The following VSTM4 variants were observed in gnomAD, a reference collection of about 807,000 sequenced individuals.
VSTM4 encodes the protein V-set and transmembrane domain containing 4.
A neutral mutation model predicts 36.4 loss-of-function variants in VSTM4; 20 were observed. The ratio of observed to expected loss-of-function variants is 0.55; its 90% CI spans 0.39 to 0.80. The LOEUF is 0.80. Ranked by LOEUF, VSTM4 falls within the 30% of genes least tolerant of loss-of-function variation. The pLI, the probability that VSTM4 is intolerant of heterozygous loss-of-function variation, is 0.00. For missense variants in VSTM4, 392 were observed against 404.5 expected (o/e 0.97, Z 0.26); for synonymous variants, 182 against 173.9 (o/e 1.05, Z -0.37).
intron 2 of VSTM4, among the ~76,000 whole-genome samples, chr10:49,099,809 C>A (rs1278725626): frequency 6.6e-6 from 1 of 152,190 alleles, no homozygotes; most frequent in African/African-American, 2.4e-5. Flanking sequence ...GATTCTGTCC[C>A]TTTCATTCTT....
chr10:49,019,895 G>T, intron 7 of VSTM4, 120 bp from the exon 8 acceptor site: 3 of 1,301,918 alleles, frequency 2.3e-6, no homozygotes, highest in Non-Finnish European at 3.1e-6. Flanking sequence ...GGGATAAGTG[G>T]ACAAGAAATT....
At chr10:49,101,197 A>G (rs1844659540) in intron 2 of VSTM4, among the ~76,000 whole-genome samples, 1 of 152,162 alleles carries the variant, frequency 6.6e-6, no homozygotes. Flanking sequence ...AAAAAATTCC[A>G]CTAGAAAAGA....
intron 7 of VSTM4, among the ~76,000 whole-genome samples, chr10:49,024,758 G>C (rs978212452): frequency 1.3e-5 from 2 of 152,188 alleles, no homozygotes; most frequent in Non-Finnish European, 2.9e-5. Context: ...GCACGCATAT[G>C]TGCACGTTCT....
At chr10:49,067,037 T>A (rs1843986153) in intron 4 of VSTM4, among the ~76,000 whole-genome samples, 1 of 152,208 alleles carries the variant, frequency 6.6e-6, no homozygotes, top group Non-Finnish European at 1.5e-5. Flanking sequence ...GGTACTTTTT[T>A]TCTCATGATG....
intron 2 of VSTM4, among the ~76,000 whole-genome samples, chr10:49,091,209 T>C (rs1032458811): frequency 6.6e-6 from 1 of 152,224 alleles, no homozygotes; most frequent in Non-Finnish European, 1.5e-5. Flanking sequence ...GACTGCTTTG[T>C]CATTGCCTTG....
At chr10:49,112,375 G>T (rs969558004) in intron 1 of VSTM4, among the ~76,000 whole-genome samples, 2 of 152,222 alleles carry the variant, frequency 1.3e-5, no homozygotes, top group African/African-American at 4.8e-5. Flanking sequence ...CAGAAGCAGT[G>T]GCTTGGTGGG....
intron 2 of VSTM4, among the ~76,000 whole-genome samples, chr10:49,106,888 C>T (rs954884392): frequency 2.0e-5 from 3 of 152,218 alleles, no homozygotes; most frequent in Admixed American, 6.5e-5. Flanking sequence ...CCTATGCCTA[C>T]GATGACCTCC....
chr10:49,072,956 A>T (rs1844107879), intron 4 of VSTM4, among the ~76,000 whole-genome samples: 1 of 152,224 alleles, frequency 6.6e-6, no homozygotes, highest in African/African-American at 2.4e-5. Context: ...TTTGTTACTC[A>T]GCAAGAGATA....
intron 7 of VSTM4, among the ~76,000 whole-genome samples, chr10:49,033,793 A>G (rs1843382619): frequency 6.6e-6 from 1 of 152,226 alleles, no homozygotes; most frequent in Non-Finnish European, 1.5e-5. Context: ...GAGTTGTCTC[A>G]AAGTTAAAGG....
chr10:49,098,312 T>C (rs944567714), intron 2 of VSTM4, among the ~76,000 whole-genome samples: 1 of 152,228 alleles, frequency 6.6e-6, no homozygotes, highest in African/African-American at 2.4e-5. Context: ...CACCTGCATC[T>C]GGCCTGCTCG....
intron 2 of VSTM4, among the ~76,000 whole-genome samples, chr10:49,092,442 C>T (rs1054282453): frequency 6.6e-6 from 1 of 152,180 alleles, no homozygotes; most frequent in Non-Finnish European, 1.5e-5. Flanking sequence ...GGGTTTAGAA[C>T]TCAAAACTAA....
intron 7 of VSTM4, among the ~76,000 whole-genome samples, chr10:49,035,483 C>T (rs1843413430): frequency 1.3e-5 from 2 of 152,070 alleles, no homozygotes. Flanking sequence ...CAGTAGGATT[C>T]CCTTTGTCTC....
chr10:49,040,724 T>C (rs939249509), intron 7 of VSTM4, among the ~76,000 whole-genome samples: 3 of 152,196 alleles, frequency 2.0e-5, no homozygotes, highest in Admixed American at 2.0e-4. Flanking sequence ...GGCTTGGGGA[T>C]TGCAGACATA....
At position 49,071,882 on chromosome 10, in the gene VSTM4, A is replaced by T. The variant is rs117587819; in HGVS notation, c.634+5337T>A. 9.2e-3 allele frequency among the ~76,000 whole-genome samples: 1,406 copies of T among 152,234 alleles called. 12 individuals carry two copies. The highest frequency in any genetic ancestry group is 0.014 in the Non-Finnish European group (958 of 68,016). On this transcript the variant is annotated intron_variant, in intron 4 of 7. Transcript: ENST00000332853. ...ATGAGGGAAGCCCAACAAACATACAACTGCATAGAGAGACTGGAAACCATG... is the reference window on the plus strand; with the variant it reads ...ATGAGGGAAGCCCAACAAACATACATCTGCATAGAGAGACTGGAAACCATG...
At position 49,018,910 on chromosome 10, in the gene VSTM4, G is replaced by C. The variant is rs927303167; in HGVS notation, c.*740C>G. ...CAACACCTGTGCTCCTTTGGAAAAG[G>C]GTGAGTAAGCACTTCTTAGAGAGTG... On this transcript the variant is annotated 3_prime_UTR_variant, in exon 8 of 8. Coordinates refer to ENST00000332853, the MANE Select transcript of VSTM4 (RefSeq NM_001031746.5). 2 of 152,264 alleles carry C rather than the reference G, an allele frequency of 1.3e-5. No homozygotes were observed. The highest frequency in any genetic ancestry group is 4.8e-5 in the African/African-American group (2 of 41,462). The allele number at this position is 152,264 out of a possible 1,614,324, so 9.4% of individuals were successfully genotyped here. A position where few individuals can be genotyped will look rare whatever the true frequency, so the allele number is the denominator to read the frequency against.
intron 1 of VSTM4, among the ~76,000 whole-genome samples, chr10:49,108,490 CCT>C (rs1844832607): frequency 6.6e-6 from 1 of 152,158 alleles, no homozygotes. Context: ...AGGGTAGGGC[CCT>C]CTCTCTGGTG....
chr10:49,085,203 C>T (rs1844348692), intron 3 of VSTM4, among the ~76,000 whole-genome samples: 1 of 152,248 alleles, frequency 6.6e-6, no homozygotes, highest in African/African-American at 2.4e-5. Flanking sequence ...CCAGGTGATG[C>T]ATATGCTGCC....
At chr10:49,092,435 T>C (rs1344765486) in intron 2 of VSTM4, among the ~76,000 whole-genome samples, 1 of 151,810 alleles carries the variant, frequency 6.6e-6, no homozygotes, top group East Asian at 1.9e-4. Context: ...CAGGAGAGGG[T>C]TTAGAACTCA....
At chr10:49,032,786 G>A (rs773743016) in intron 7 of VSTM4, among the ~76,000 whole-genome samples, 3 of 151,874 alleles carry the variant, frequency 2.0e-5, no homozygotes, top group Non-Finnish European at 4.4e-5. Flanking sequence ...TCTGCTGCTT[G>A]GAGTCATCTA....
Sources: gnomAD v4.1 joint callset for allele counts (sites outside exome capture counted in the v4.1 genomes callset) on GRCh38, gnomAD v4.1.1 for gene constraint, MANE v1.5 for transcripts, NCBI Gene and HGNC (gene_info 2026-07-23, HGNC 2026-07-21) for gene names.